Variants in SCAF4 observed in about 807,000 individuals in gnomAD.
SCAF4 encodes the protein SR-related and CTD-associated factor 4.
Under a neutral mutation model 129.8 loss-of-function variants are expected in SCAF4, and 25 were observed. That is an observed-to-expected ratio of 0.19 (90% CI 0.14 to 0.27). The LOEUF is 0.27. SCAF4 is among the 10% of genes least tolerant of loss of function. The pLI is 1.00. For synonymous variants in SCAF4, 551 were observed against 497.7 expected (o/e 1.11, Z -1.43); for missense variants, 1,246 against 1,457.1 (o/e 0.86, Z 2.36).
chr21:31,719,459 T>G (rs184825657), intron 1 of SCAF4, among the ~76,000 whole-genome samples: 191 of 152,312 alleles, frequency 1.3e-3, no homozygotes, highest in Middle Eastern at 3.4e-3. Flanking sequence ...AGTTAATTTC[T>G]GAAAACTTAC....
intron 16 of SCAF4, among the ~76,000 whole-genome samples, 189 bp from the exon 17 acceptor site, chr21:31,685,922 G>GC (rs1423270198): frequency 6.6e-6 from 1 of 152,154 alleles, no homozygotes; most frequent in Non-Finnish European, 1.5e-5. Context: ...AAAGCTGTGG[G>GC]CCGGGTGTGG....
At chr21:31,687,621 C>T (rs1319512033) in intron 16 of SCAF4, among the ~76,000 whole-genome samples, 1 of 152,034 alleles carries the variant, frequency 6.6e-6, no homozygotes, top group East Asian at 1.9e-4. Flanking sequence ...ATAAGGATAG[C>T]ATCCAAGGTG....
intron 19 of SCAF4, among the ~76,000 whole-genome samples, chr21:31,678,460 T>A (rs1243738063): frequency 6.6e-6 from 1 of 151,888 alleles, no homozygotes; most frequent in African/African-American, 2.4e-5. Flanking sequence ...TCAGAACCGG[T>A]CTCCTTTCCA....
intron 1 of SCAF4, among the ~76,000 whole-genome samples, chr21:31,723,526 G>A (rs1415412461): frequency 1.3e-5 from 2 of 152,010 alleles, no homozygotes; most frequent in Non-Finnish European, 2.9e-5. Context: ...TCATTATTGT[G>A]ACATATCAGT....
chr21:31,673,910 G>A (rs1019592451), intron 19 of SCAF4, among the ~76,000 whole-genome samples: 1 of 152,182 alleles, frequency 6.6e-6, no homozygotes, highest in East Asian at 1.9e-4. Context: ...TGTTAACGGA[G>A]GTCAGCATAG....
chr21:31,724,011 T>A (rs2051142299), intron 1 of SCAF4, among the ~76,000 whole-genome samples: 1 of 152,212 alleles, frequency 6.6e-6, no homozygotes, highest in African/African-American at 2.4e-5. Context: ...ACTAATCTGG[T>A]ACAGTGCACT....
At chr21:31,722,848 G>A (rs975749424) in intron 1 of SCAF4, among the ~76,000 whole-genome samples, 1 of 152,146 alleles carries the variant, frequency 6.6e-6, no homozygotes, top group Non-Finnish European at 1.5e-5. Flanking sequence ...AGCTAGTCAG[G>A]AGGCTGAGGC....
At position 31,671,704 on chromosome 21, in the gene SCAF4, C is replaced by T; in HGVS notation, c.3139G>A (p.Glu1047Lys). The T allele has an allele frequency of 6.2e-7, 1 of 1,614,086 alleles. No homozygotes were observed. Residue 1047 changes from glutamate (E) to lysine (K), a missense_variant, in exon 20 of 20, where the codon GAA becomes AAA. Physicochemically the swap from Glu to Lys is moderately conservative, Grantham distance 56. This residue lies in a region of SCAF4 where 339 missense variants were observed against 325.0 expected (regional missense o/e 1.04). Coordinates refer to ENST00000286835, the MANE Select transcript of SCAF4 (RefSeq NM_020706.2). ...SPDRDRHRDL[E>K]ERNRRSSGHR... ...CCACTAGAGCGTCTATTTCTCTCTT[C>T]CAAGTCTCTGTGCCTGTCCCGGTCA...
intron 7 of SCAF4, among the ~76,000 whole-genome samples, chr21:31,697,388 G>A (rs931748973): frequency 6.6e-6 from 1 of 152,088 alleles, no homozygotes; most frequent in African/African-American, 2.4e-5. Flanking sequence ...GATTTATTCA[G>A]AAAAAAGATA....
At chr21:31,685,810 A>G (rs1455123670) in intron 16 of SCAF4, 77 bp from the exon 17 acceptor site, 4 of 1,346,790 alleles carry the variant, frequency 3.0e-6, no homozygotes, top group South Asian at 1.5e-5. Flanking sequence ...ATAAAAGAGC[A>G]AACTGTTGAA....
chr21:31,701,854 G>C lies in SCAF4; in HGVS notation c.522C>G (p.Val174=), dbSNP rs570176728. 33 of 1,614,108 alleles carry C rather than the reference G, an allele frequency of 2.0e-5. 1 individual carries two copies. In the South Asian group the frequency reaches 3.3e-4, roughly 16 times the overall value. The change falls in exon 6 of 20, where the codon GTC becomes GTG. Residue 174 remains valine (V), a synonymous_variant. Transcript: ENST00000286835. Reference sequence around the variant, plus strand: ...AGCTGGGCAACTGTGGTACAGCTGGGACGGAGTTTGGAGTGGCTTGTGTGG... The same window carrying C: ...AGCTGGGCAACTGTGGTACAGCTGGCACGGAGTTTGGAGTGGCTTGTGTGG... ...EPPTQATPNS[V]PAVPQLPSSD...
intron 1 of SCAF4, among the ~76,000 whole-genome samples, chr21:31,724,172 ATT>A (rs1173954173): frequency 1.3e-5 from 2 of 152,126 alleles, no homozygotes; most frequent in African/African-American, 2.4e-5. Flanking sequence ...AAATTATAAT[ATT>A]GTTTGTAAAA....
rs142714596 is a variant in SCAF4, at chr21:31,699,586, A to G, written c.777+1409T>C. Among the ~76,000 whole-genome samples the G allele has an allele frequency of 3.5e-3, 533 of 152,164 alleles. 1 individual carries two copies. The highest frequency in any genetic ancestry group is 0.012 in the African/African-American group (499 of 41,518). ...TTTGTTTAATCAGTCATCACTCATA[A>G]ATCACTAAGATATAATGAAAACTGG... is the stretch of plus-strand genomic sequence containing the variant. On this transcript the variant is annotated intron_variant, in intron 7 of 19. Coordinates refer to ENST00000286835, the MANE Select transcript of SCAF4 (RefSeq NM_020706.2).
chr21:31,708,666 A>G (rs1009632154), intron 1 of SCAF4, among the ~76,000 whole-genome samples: 1 of 151,878 alleles, frequency 6.6e-6, no homozygotes, highest in Admixed American at 6.6e-5. Context: ...ACACACCCAC[A>G]CACATTTAAT....
chr21:31,713,335 G>A (rs2123643256), intron 1 of SCAF4, among the ~76,000 whole-genome samples: 1 of 152,244 alleles, frequency 6.6e-6, no homozygotes. Flanking sequence ...TGCTACCTAT[G>A]AGAATTCCTC....
rs750971849 is a variant in SCAF4, at chr21:31,671,585, CCTGT to C, written c.3254_3257del (p.Asp1085GlyfsTer18). 2.5e-5 allele frequency: 40 copies of C among 1,613,996 alleles called. No homozygotes were observed. The highest frequency in any genetic ancestry group is 4.5e-5 in the East Asian group (2 of 44,892). ...GTTCAACGGTTTTGTTACCACCTGC[CCTGT>C]CTGTCACCTCAGGCTTTTCCTTTCC... On this transcript the variant is annotated frameshift_variant, in exon 20 of 20. Transcript: ENST00000286835. LOFTEE classifies it high-confidence loss of function.
intron 1 of SCAF4, among the ~76,000 whole-genome samples, chr21:31,725,374 A>G (rs1055044949): frequency 6.6e-6 from 1 of 152,216 alleles, no homozygotes; most frequent in African/African-American, 2.4e-5. Context: ...ACAGTAAGAG[A>G]AGGGAGTACC....
At chr21:31,674,732 T>C (rs2049806641) in intron 19 of SCAF4, among the ~76,000 whole-genome samples, 1 of 152,228 alleles carries the variant, frequency 6.6e-6, no homozygotes, top group African/African-American at 2.4e-5. Flanking sequence ...AAGCAATTGT[T>C]CATTTCATTT....
chr21:31,671,530 T>C lies in SCAF4; in HGVS notation c.3313A>G (p.Thr1105Ala), dbSNP rs528190794. 6.8e-6 allele frequency: 11 copies of C among 1,614,076 alleles called. 1 individual carries two copies. The African/African-American group carries it at 1.5e-4, about 22-fold the overall frequency. Residue 1105 changes from threonine to alanine, a missense_variant, in exon 20 of 20, where the codon ACT (threonine) becomes GCT (alanine). By Grantham distance (58) the Thr-to-Ala change is moderately conservative (BLOSUM62 0). Coordinates refer to ENST00000286835, the MANE Select transcript of SCAF4 (RefSeq NM_020706.2). ...PPISQVGNVDTASELEKGVSE... is the reference protein window; with the variant it reads ...PPISQVGNVDAASELEKGVSE... ...ACCCCCTTCTCAAGTTCTGAAGCAG[T>C]GTCTACATTTCCCACTTGGCTAATG...
Sources: allele counts gnomAD v4.1 joint callset (sites outside exome capture counted in the v4.1 genomes callset), GRCh38; gene constraint gnomAD v4.1.1; regional missense constraint gnomAD v4.1.1; transcripts MANE v1.5; gene names NCBI Gene and HGNC (gene_info 2026-07-23, HGNC 2026-07-21).